Variants in GLRA1 observed in about 807,000 individuals in gnomAD.
The protein encoded by GLRA1 is glycine receptor subunit alpha-1.
In GLRA1, 37 loss-of-function variants were observed where a neutral mutation model predicts 48.3. That is an observed-to-expected ratio of 0.77 (90% CI 0.59 to 1.01). GLRA1 has a LOEUF of 1.01. GLRA1 is among the 50% of genes least tolerant of loss of function. The pLI, the probability that GLRA1 is intolerant of heterozygous loss-of-function variation, is 0.00. For missense variants in GLRA1, 427 were observed against 571.0 expected (o/e 0.75, Z 2.57); for synonymous variants, 196 against 210.7 (o/e 0.93, Z 0.60).
At chr5:151,884,452 A>ACAAAACAAAAC (rs1554085717) in intron 3 of GLRA1, among the ~76,000 whole-genome samples, 13 of 150,916 alleles carry the variant, frequency 8.6e-5, no homozygotes, top group African/African-American at 2.7e-4. Context: ...ACAAAACAAA[A>ACAAAACAAAAC]AAACCCATTT....
chr5:151,899,302 A>C (rs780074427), intron 1 of GLRA1, among the ~76,000 whole-genome samples: 19 of 152,184 alleles, frequency 1.2e-4, no homozygotes, highest in Admixed American at 2.0e-4. Context: ...GAAGGCGGGG[A>C]TTAATCAGAA....
intron 2 of GLRA1, among the ~76,000 whole-genome samples, chr5:151,891,068 C>G (rs1328706011): frequency 6.6e-6 from 1 of 152,226 alleles, no homozygotes; most frequent in Non-Finnish European, 1.5e-5. Flanking sequence ...TGTCACATGC[C>G]TTGTTTAGTC....
At position 151,886,716 on chromosome 5, in the gene GLRA1, C is replaced by T. The variant is rs776108322; in HGVS notation, c.252+5G>A. ...AACTAACAGCTTGTGTTTTGACTTA[C>T]TCACCATGGTTGTCTCAGCAATGGA... On this transcript the variant is annotated splice_donor_5th_base_variant and intron_variant, in intron 3 of 8. Coordinates refer to ENST00000274576, the MANE Select transcript of GLRA1 (RefSeq NM_000171.4). 6.3e-7 allele frequency: 1 copy of T among 1,599,494 alleles called. No homozygotes were observed. Among genetic ancestry groups the T allele is most frequent in the Non-Finnish European group, 8.6e-7 (1 of 1,166,666 alleles).
chr5:151,830,770 G>A (rs1763401761), intron 7 of GLRA1, among the ~76,000 whole-genome samples: 1 of 152,188 alleles, frequency 6.6e-6, no homozygotes, highest in African/African-American at 2.4e-5. Flanking sequence ...TTACTGAATA[G>A]CAACAGCAAC....
intron 1 of GLRA1, among the ~76,000 whole-genome samples, chr5:151,920,440 A>G (rs1024961838): frequency 1.3e-5 from 2 of 152,130 alleles, no homozygotes; most frequent in Non-Finnish European, 2.9e-5. Context: ...TAAAGAAAAC[A>G]ATTTCCTAAA....
chr5:151,833,933 G>T (rs142217522), intron 7 of GLRA1, among the ~76,000 whole-genome samples: 2 of 151,920 alleles, frequency 1.3e-5, no homozygotes, highest in African/African-American at 4.8e-5. Flanking sequence ...AGAGCTAACT[G>T]TCCTAAATAC....
intron 7 of GLRA1, among the ~76,000 whole-genome samples, chr5:151,833,817 C>CAAAAAAAAA (rs766149505): frequency 5.1e-5 from 4 of 79,166 alleles, no homozygotes; most frequent in South Asian, 4.0e-4. Flanking sequence ...AAAAAAAAAG[C>CAAAAAAAAA]AGGGGTTGCA....
chr5:151,854,676 A>G (rs1299102661), intron 6 of GLRA1, among the ~76,000 whole-genome samples: 2 of 152,196 alleles, frequency 1.3e-5, no homozygotes, highest in Non-Finnish European at 2.9e-5. Flanking sequence ...GCTGAGGTCT[A>G]TTGTGAGCAT....
chr5:151,838,479 A>G (rs10476778), intron 7 of GLRA1, among the ~76,000 whole-genome samples: 55,801 of 152,016 alleles, frequency 0.37, 10,544 homozygotes, highest in South Asian at 0.46. Flanking sequence ...AAAAAAAGAA[A>G]TGATAAAGAA....
At position 151,924,508 on chromosome 5, in the gene GLRA1, G is replaced by T. The variant is rs572343839; in HGVS notation, c.42C>A (p.Thr14=). The part of the protein sequence containing the change: ...FNTLRLYLWE[T]IVFFSLAASK... ...AAATTGCATACCTGAAGAATACAAT[G>T]GTCTCCCAAAGGTAGAGTCGAAGAG... Residue 14 remains threonine, a synonymous_variant, in exon 1 of 9, where the codon ACC becomes ACA. Transcript: ENST00000274576. The T allele has an allele frequency of 1.1e-4, 179 of 1,597,406 alleles. No individual in the cohort carries two copies. In the South Asian group the frequency reaches 1.8e-3, roughly 16 times the overall value.
At chr5:151,913,370 G>T (rs186417062) in intron 1 of GLRA1, among the ~76,000 whole-genome samples, 1 of 152,324 alleles carries the variant, frequency 6.6e-6, no homozygotes, top group Non-Finnish European at 1.5e-5. Flanking sequence ...TTTATGGAGA[G>T]TATAGGGCAC....
chr5:151,871,004 T>C (rs1457023549), intron 3 of GLRA1, among the ~76,000 whole-genome samples: 1 of 149,628 alleles, frequency 6.7e-6, no homozygotes, highest in East Asian at 1.9e-4. Context: ...TTTGATCTGA[T>C]GAAGAGTCAC....
At chr5:151,844,825 A>G (rs561701524) in intron 7 of GLRA1, among the ~76,000 whole-genome samples, 1 of 152,064 alleles carries the variant, frequency 6.6e-6, no homozygotes, top group East Asian at 1.9e-4. Context: ...GATAATTTAT[A>G]AAGAAAAAAT....
intron 5 of GLRA1, 131 bp downstream of exon 5, chr5:151,856,170 T>C (rs569034168): frequency 3.0e-6 from 2 of 666,712 alleles, no homozygotes; most frequent in Non-Finnish European, 5.6e-6. Flanking sequence ...AAGTCCTTCA[T>C]TGAATATTTT....
intron 3 of GLRA1, among the ~76,000 whole-genome samples, chr5:151,876,461 G>A (rs1033591723): frequency 3.3e-5 from 5 of 152,058 alleles, no homozygotes; most frequent in Non-Finnish European, 7.4e-5. Context: ...TGCCTGACAC[G>A]TACATATTCA....
intron 8 of GLRA1, among the ~76,000 whole-genome samples, chr5:151,825,539 T>C (rs2915888): frequency 0.37 from 55,618 of 151,946 alleles, 10,543 homozygotes; most frequent in South Asian, 0.46. Flanking sequence ...GCTATTCTTA[T>C]TGGAACCAGC....
At chr5:151,902,733 G>C (rs1256387857) in intron 1 of GLRA1, among the ~76,000 whole-genome samples, 1 of 152,148 alleles carries the variant, frequency 6.6e-6, no homozygotes, top group Non-Finnish European at 1.5e-5. Context: ...CCCTTATTGA[G>C]TGGTTATGAA....
intron 2 of GLRA1, among the ~76,000 whole-genome samples, chr5:151,890,648 A>C (rs779619446): frequency 6.6e-6 from 1 of 152,244 alleles, no homozygotes; most frequent in Non-Finnish European, 1.5e-5. Context: ...CCTAACAGCC[A>C]TCAACAAGAG....
At chr5:151,825,476 T>C (rs369385242) in intron 8 of GLRA1, among the ~76,000 whole-genome samples, 2 of 152,070 alleles carry the variant, frequency 1.3e-5, no homozygotes, top group African/African-American at 4.8e-5. Flanking sequence ...GGATTATCAA[T>C]TTCATATTGT....
Sources: allele counts gnomAD v4.1 joint callset (sites outside exome capture counted in the v4.1 genomes callset), GRCh38; gene constraint gnomAD v4.1.1; transcripts MANE v1.5; gene names NCBI Gene and HGNC (gene_info 2026-07-23, HGNC 2026-07-21).